The following NAALADL2 variants were observed in gnomAD, a reference collection of about 807,000 sequenced individuals.
NAALADL2 encodes the protein inactive N-acetylated-alpha-linked acidic dipeptidase-like protein 2.
NAALADL2 carries 76 observed loss-of-function variants against 87.2 expected under a neutral mutation model. The ratio of observed to expected loss-of-function variants is 0.87; its 90% confidence interval spans 0.72 to 1.05. The LOEUF (loss-of-function observed/expected upper bound fraction) is 1.05, where lower values mean the gene tolerates loss of function less well. Among genes scored for constraint, NAALADL2 ranks in the 50% least tolerant of loss-of-function variants. NAALADL2 has a pLI of 0.00. For synonymous variants in NAALADL2, 354 were observed against 331.0 expected (o/e 1.07, Z -0.75); for missense variants, 1,089 against 945.8 (o/e 1.15, Z -1.99).
At chr3:174,604,962 A>G (rs1031237487) in intron 2 of NAALADL2, among the ~76,000 whole-genome samples, 1 of 151,808 alleles carries the variant, frequency 6.6e-6, no homozygotes, top group African/African-American at 2.4e-5. Flanking sequence ...AATATTGTCC[A>G]GGCTGATCTT....
At chr3:174,873,453 C>G (rs1728110685) in intron 1 of NAALADL2, among the ~76,000 whole-genome samples, 1 of 151,986 alleles carries the variant, frequency 6.6e-6, no homozygotes, top group African/African-American at 2.4e-5. Flanking sequence ...TGGGGTTTCA[C>G]TCTTCTGGCC....
At chr3:175,280,636 T>C (rs895866395) in intron 4 of NAALADL2, among the ~76,000 whole-genome samples, 7 of 152,060 alleles carry the variant, frequency 4.6e-5, no homozygotes, top group Non-Finnish European at 1.0e-4. Context: ...TCCTATGAGA[T>C]GGAAAAATAA....
chr3:174,765,170 GAC>G (rs946982828), intron 3 of NAALADL2, among the ~76,000 whole-genome samples: 48 of 149,110 alleles, frequency 3.2e-4, no homozygotes, highest in African/African-American at 1.1e-3. Flanking sequence ...GAGAGAGAGA[GAC>G]AGAGAGAACA....
At chr3:174,630,049 A>T (rs958620606) in intron 2 of NAALADL2, among the ~76,000 whole-genome samples, 1 of 152,148 alleles carries the variant, frequency 6.6e-6, no homozygotes, top group Non-Finnish European at 1.5e-5. Context: ...TTACTTTTTA[A>T]TATCTTTCCC....
intron 2 of NAALADL2, among the ~76,000 whole-genome samples, chr3:174,694,226 CAT>C (rs1394686800): frequency 2.6e-5 from 4 of 152,146 alleles, no homozygotes; most frequent in Non-Finnish European, 4.4e-5. Context: ...CCAAATTCCA[CAT>C]AGAGAGAATA....
At chr3:174,987,568 C>CAAA (rs1159602995) in intron 1 of NAALADL2, among the ~76,000 whole-genome samples, 616 of 20,812 alleles carry the variant, frequency 0.03, 102 homozygotes, top group African/African-American at 0.047. Context: ...GACTCCGTCT[C>CAAA]AAAAAAAAAA....
chr3:175,740,105 C>A (rs936499516), intron 12 of NAALADL2, among the ~76,000 whole-genome samples: 1 of 151,844 alleles, frequency 6.6e-6, no homozygotes, highest in African/African-American at 2.4e-5. Context: ...AGGAGGAGAC[C>A]AAGGAGGAGT....
chr3:174,974,956 G>T (rs1297619648), intron 1 of NAALADL2, among the ~76,000 whole-genome samples: 1 of 151,986 alleles, frequency 6.6e-6, no homozygotes, highest in Admixed American at 6.6e-5. Context: ...GACTATTTTT[G>T]AAATTTTGCT....
chr3:175,400,759 T>G (rs1770457968), intron 5 of NAALADL2, among the ~76,000 whole-genome samples: 1 of 152,180 alleles, frequency 6.6e-6, no homozygotes, highest in African/African-American at 2.4e-5. Flanking sequence ...AATGCCACTC[T>G]TCCCTACTGT....
At chr3:174,765,278 C>T (rs1271533895) in intron 3 of NAALADL2, among the ~76,000 whole-genome samples, 1 of 151,950 alleles carries the variant, frequency 6.6e-6, no homozygotes, top group Admixed American at 6.6e-5. Context: ...TAAATAGTTG[C>T]AATGAGGAAT....
At chr3:175,762,256 T>TC (rs1748133068) in intron 13 of NAALADL2, among the ~76,000 whole-genome samples, 1 of 148,986 alleles carries the variant, frequency 6.7e-6, no homozygotes, top group East Asian at 2.0e-4. Flanking sequence ...GACTCTCTTT[T>TC]CTCTGTTGAA....
intron 3 of NAALADL2, among the ~76,000 whole-genome samples, chr3:174,790,317 C>T (rs1717303776): frequency 6.6e-6 from 1 of 152,162 alleles, no homozygotes; most frequent in East Asian, 1.9e-4. Flanking sequence ...TCTTTCCCTC[C>T]TTTCCATTAC....
chr3:175,341,965 T>A (rs1322263412), intron 5 of NAALADL2, among the ~76,000 whole-genome samples: 1 of 152,116 alleles, frequency 6.6e-6, no homozygotes, highest in East Asian at 1.9e-4. Context: ...TTGTTGAAAA[T>A]TATGCCAATT....
intron 3 of NAALADL2, among the ~76,000 whole-genome samples, chr3:174,782,387 A>G (rs1237225325): frequency 6.6e-6 from 1 of 152,146 alleles, no homozygotes; most frequent in African/African-American, 2.4e-5. Flanking sequence ...CAGTTGTCTA[A>G]TGTGAATTAT....
intron 11 of NAALADL2, among the ~76,000 whole-genome samples, chr3:175,710,096 G>A (rs1434000204): frequency 6.6e-6 from 1 of 151,924 alleles, no homozygotes; most frequent in Non-Finnish European, 1.5e-5. Flanking sequence ...AGAATTAGCA[G>A]GAAGAGATAT....
Position 175,527,234 on chromosome 3 carries a change from A to C in NAALADL2, c.1654-48807A>C, listed in dbSNP as rs143672922. Reference sequence around the variant, plus strand: ...GCTTTTACATTGACTTGAAGGCTACATTAGCCAGTTTTCAGTGTGGCATAT... The same window carrying C: ...GCTTTTACATTGACTTGAAGGCTACCTTAGCCAGTTTTCAGTGTGGCATAT... On this transcript the variant is annotated intron_variant, in intron 9 of 13. Coordinates refer to ENST00000454872, the MANE Select transcript of NAALADL2 (RefSeq NM_207015.3). 3.3e-5 allele frequency among the ~76,000 whole-genome samples: 5 copies of C among 152,316 alleles called. No individual in the cohort carries two copies. The East Asian group carries it at 9.6e-4, about 29-fold the overall frequency.
At chr3:175,240,526 A>G (rs1296719573) in intron 3 of NAALADL2, among the ~76,000 whole-genome samples, 2 of 152,250 alleles carry the variant, frequency 1.3e-5, no homozygotes, top group African/African-American at 2.4e-5. Context: ...GATTGCTGTT[A>G]TAGATAACAA....
At chr3:175,092,029 G>A (rs917272622) in intron 1 of NAALADL2, among the ~76,000 whole-genome samples, 2 of 151,686 alleles carry the variant, frequency 1.3e-5, no homozygotes, top group African/African-American at 2.4e-5. Flanking sequence ...TATAGAATTC[G>A]TGGAAAAAAA....
rs1744638907 is a variant in NAALADL2, at chr3:175,737,369, A to G, written c.1960A>G (p.Ile654Val). The G allele has an allele frequency of 6.2e-7, 1 of 1,609,022 alleles. No individual in the cohort carries two copies. The highest frequency in any genetic ancestry group is 8.5e-7 in the Non-Finnish European group (1 of 1,175,732). The change falls in exon 12 of 14, where the codon ATA becomes GTA. Residue 654 changes from isoleucine (I) to valine (V), a missense_variant. Coordinates refer to ENST00000454872, the MANE Select transcript of NAALADL2 (RefSeq NM_207015.3). ...TGTTCTGCCCTTTAATGCACTTGAT[A>G]TAGCTTTAGAAGTTCAAAACAACCT... The part of the protein sequence containing the change: ...EPVLPFNALD[I>V]ALEVQNNLKG...
Sources: gnomAD v4.1 joint callset for allele counts (sites outside exome capture counted in the v4.1 genomes callset) on GRCh38, gnomAD v4.1.1 for gene constraint, MANE v1.5 for transcripts, NCBI Gene and HGNC (gene_info 2026-07-23, HGNC 2026-07-21) for gene names.